The following ANKS1B variants were observed in gnomAD, a reference collection of about 807,000 sequenced individuals.
The protein encoded by ANKS1B is ankyrin repeat and sterile alpha motif domain containing 1B.
In ANKS1B, 36 loss-of-function variants were observed where a neutral mutation model predicts 148.3. That is an observed-to-expected ratio of 0.24 (90% CI 0.19 to 0.32). The LOEUF (loss-of-function observed/expected upper bound fraction) is 0.32, where lower values mean the gene tolerates loss of function less well. Among genes scored for constraint, ANKS1B ranks in the 10% least tolerant of loss-of-function variants. ANKS1B has a pLI of 1.00. For missense variants in ANKS1B, 1,157 were observed against 1,542.6 expected (o/e 0.75, Z 4.19); for synonymous variants, 542 against 560.8 (o/e 0.97, Z 0.47).
chr12:98,839,315 TA>T (rs942262891), intron 17 of ANKS1B, among the ~76,000 whole-genome samples: 2 of 152,138 alleles, frequency 1.3e-5, no homozygotes, highest in African/African-American at 2.4e-5. Flanking sequence ...ATCCAGGCAG[TA>T]AAAAAATATT....
intron 8 of ANKS1B, among the ~76,000 whole-genome samples, chr12:99,722,667 G>C (rs1233025428): frequency 6.6e-6 from 1 of 152,216 alleles, no homozygotes; most frequent in Admixed American, 6.5e-5. Flanking sequence ...CCATTCTGCA[G>C]CCAATGGATC....
In ANKS1B at chr12:99,782,023, T is replaced by C; in HGVS notation, c.744A>G (p.Thr248=). The C allele has an allele frequency of 6.2e-7, 1 of 1,600,356 alleles. No individual in the cohort carries two copies. Among genetic ancestry groups the C allele is most frequent in the Non-Finnish European group, 8.5e-7 (1 of 1,173,128 alleles). Residue 248 remains threonine (T), a splice_region_variant and synonymous_variant, in exon 5 of 27, where the codon ACA becomes ACG. Transcript: ENST00000683438. ...TCCATGCAGAATCACAATAGTTACC[T>C]GTTTCTAACAGAACTCGTACAACAT... ...KVDVVRVLLE[T]GIDANIKDSL...
At chr12:99,539,522 A>C (rs73379584) in intron 9 of ANKS1B, among the ~76,000 whole-genome samples, 3,957 of 152,342 alleles carry the variant, frequency 0.026, 184 homozygotes, top group African/African-American at 0.091. Context: ...GGAAATTAAA[A>C]GAATAAACTA....
chr12:99,756,724 CAG>C (rs1341421413), intron 8 of ANKS1B, among the ~76,000 whole-genome samples: 1 of 152,022 alleles, frequency 6.6e-6, no homozygotes, highest in Non-Finnish European at 1.5e-5. Flanking sequence ...GGTACAGAAA[CAG>C]ATACACAGAC....
chr12:99,012,507 A>ATC (rs1388113934), intron 17 of ANKS1B, among the ~76,000 whole-genome samples: 3 of 152,218 alleles, frequency 2.0e-5, no homozygotes, highest in Non-Finnish European at 4.4e-5. Flanking sequence ...TCTCCCAGCC[A>ATC]TGGAGAGTTC....
Position 99,462,407 on chromosome 12 carries a change from T to C in ANKS1B, c.1439-18598A>G, listed in dbSNP as rs570022894. Among the ~76,000 whole-genome samples, 24 of 152,360 alleles carry C rather than the reference T, an allele frequency of 1.6e-4. No homozygotes were observed. The South Asian group carries it at 5.0e-3, about 32-fold the overall frequency. ...ATTCCCTAGGGAGCCTTTGGATGGCTATATTGAGACTTCATCACAGCCTGA... is the reference window on the plus strand; with the variant it reads ...ATTCCCTAGGGAGCCTTTGGATGGCCATATTGAGACTTCATCACAGCCTGA... On this transcript the variant is annotated intron_variant, in intron 10 of 26. Transcript: ENST00000683438.
At position 99,164,185 on chromosome 12, in the gene ANKS1B, C is replaced by T. The variant is rs746858540; in HGVS notation, c.2420-9790G>A. ...ACTAGGAATTTGTTGGACTTTTTATCAATTTTTTTATGGATCATGTTTTTG... is the reference window on the plus strand; with the variant it reads ...ACTAGGAATTTGTTGGACTTTTTATTAATTTTTTTATGGATCATGTTTTTG... On this transcript the variant is annotated intron_variant, in intron 14 of 26. Coordinates refer to ENST00000683438, the MANE Select transcript of ANKS1B (RefSeq NM_001352186.2). Among the ~76,000 whole-genome samples the T allele has an allele frequency of 3.3e-4, 50 of 151,972 alleles. No homozygotes were observed. In the Middle Eastern group the frequency reaches 0.014, roughly 41 times the overall value.
At chr12:99,622,987 G>A (rs188687351) in intron 9 of ANKS1B, among the ~76,000 whole-genome samples, 82 of 151,978 alleles carry the variant, frequency 5.4e-4, no homozygotes, top group Middle Eastern at 3.4e-3. Context: ...GCCAAACATA[G>A]ATGTAAAAAT....
chr12:99,914,762 T>C (rs916517892), intron 1 of ANKS1B, among the ~76,000 whole-genome samples: 1 of 152,058 alleles, frequency 6.6e-6, no homozygotes, highest in Non-Finnish European at 1.5e-5. Context: ...TCAAATCTGC[T>C]GAAACCTCTG....
At chr12:99,907,052 A>C (rs985082421) in intron 1 of ANKS1B, among the ~76,000 whole-genome samples, 1 of 152,258 alleles carries the variant, frequency 6.6e-6, no homozygotes, top group Non-Finnish European at 1.5e-5. Context: ...AGGCAAGGAC[A>C]CAGGACAAGA....
chr12:99,208,442 C>T (rs1418574054), intron 14 of ANKS1B, among the ~76,000 whole-genome samples: 2 of 152,086 alleles, frequency 1.3e-5, no homozygotes, highest in Non-Finnish European at 2.9e-5. Context: ...CCTCAAAGGA[C>T]GTGTCTCTCA....
chr12:99,805,128 T>G (rs960530513), intron 4 of ANKS1B, among the ~76,000 whole-genome samples: 7 of 151,890 alleles, frequency 4.6e-5, no homozygotes, highest in African/African-American at 1.7e-4. Flanking sequence ...AGTTTTGGGA[T>G]AGTTTGTTGC....
intron 14 of ANKS1B, among the ~76,000 whole-genome samples, chr12:99,193,944 G>A (rs1293285136): frequency 6.6e-6 from 1 of 151,624 alleles, no homozygotes; most frequent in Non-Finnish European, 1.5e-5. Flanking sequence ...CGGGACTATA[G>A]GCGCATGCCC....
At chr12:98,957,785 G>A (rs1420905435) in intron 17 of ANKS1B, among the ~76,000 whole-genome samples, 1 of 152,176 alleles carries the variant, frequency 6.6e-6, no homozygotes, top group African/African-American at 2.4e-5. Flanking sequence ...ATAGTAGCTT[G>A]TGGGGGACTG....
At chr12:99,521,592 T>G (rs2096875391) in intron 9 of ANKS1B, among the ~76,000 whole-genome samples, 1 of 152,204 alleles carries the variant, frequency 6.6e-6, no homozygotes, top group South Asian at 2.1e-4. Flanking sequence ...TGCTGTGGTT[T>G]TTGCAGACTC....
chr12:98,948,786 C>T (rs767580694), intron 17 of ANKS1B, among the ~76,000 whole-genome samples: 35 of 148,958 alleles, frequency 2.3e-4, no homozygotes, highest in Non-Finnish European at 4.6e-4. Context: ...CACACACACA[C>T]ATGCTGGGAT....
intron 17 of ANKS1B, among the ~76,000 whole-genome samples, chr12:98,970,840 C>A (rs1252064321): frequency 1.3e-5 from 2 of 152,158 alleles, no homozygotes; most frequent in East Asian, 3.9e-4. Context: ...AGCTCAGCAG[C>A]AAAAGTACTT....
intron 1 of ANKS1B, among the ~76,000 whole-genome samples, chr12:99,911,758 A>G (rs73147432): frequency 6.6e-6 from 1 of 152,306 alleles, no homozygotes; most frequent in Non-Finnish European, 1.5e-5. Flanking sequence ...TGTTCCATCT[A>G]TATACCCTCC....
At chr12:99,606,351 A>T (rs1392683) in intron 9 of ANKS1B, among the ~76,000 whole-genome samples, 108,851 of 151,610 alleles carry the variant, frequency 0.72, 39,516 homozygotes, top group African/African-American at 0.82. Flanking sequence ...CTTCCTCACA[A>T]AGAGTTGTTT....
Sources: allele counts gnomAD v4.1 joint callset (sites outside exome capture counted in the v4.1 genomes callset), GRCh38; gene constraint gnomAD v4.1.1; transcripts MANE v1.5; gene names NCBI Gene and HGNC (gene_info 2026-07-23, HGNC 2026-07-21).